The following EPHA5 variants were observed in gnomAD, a reference collection of about 807,000 sequenced individuals.
The protein encoded by EPHA5 is ephrin type-A receptor 5.
Under a neutral mutation model 105.0 loss-of-function variants are expected in EPHA5, and 60 were observed. That is an observed-to-expected ratio of 0.57 (90% CI 0.46 to 0.71). The LOEUF is 0.71. Among genes scored for constraint, EPHA5 ranks in the 30% least tolerant of loss-of-function variants. The pLI, the probability that EPHA5 is intolerant of heterozygous loss-of-function variation, is 0.00. For missense variants in EPHA5, 1,218 were observed against 1,274.7 expected, an observed-to-expected ratio of 0.96 and a Z score of 0.68; for synonymous variants, 513 against 449.1, an observed-to-expected ratio of 1.14 and a Z score of -1.80.
chr4:65,607,836 A>C (rs2149451447), intron 2 of EPHA5, among the ~76,000 whole-genome samples: 1 of 152,336 alleles, frequency 6.6e-6, no homozygotes. Flanking sequence ...TACTGGGTAT[A>C]TATCCAAAGG....
At chr4:65,355,437 A>T (rs1723206908) in intron 11 of EPHA5, among the ~76,000 whole-genome samples, 1 of 151,656 alleles carries the variant, frequency 6.6e-6, no homozygotes, top group Non-Finnish European at 1.5e-5. Flanking sequence ...CTTTATTTTA[A>T]CTATATTGTC....
chr4:65,609,641 G>GT (rs71205395), intron 2 of EPHA5, among the ~76,000 whole-genome samples: 9,284 of 144,144 alleles, frequency 0.064, 381 homozygotes, highest in Admixed American at 0.11. Context: ...AAAAAAATCA[G>GT]TTTTTTTTTT....
intron 3 of EPHA5, among the ~76,000 whole-genome samples, chr4:65,558,425 C>T (rs994779743): frequency 6.6e-6 from 1 of 151,958 alleles, no homozygotes; most frequent in Middle Eastern, 3.2e-3. Context: ...TCATGTCTTT[C>T]AGTTGGTCAT....
intron 2 of EPHA5, among the ~76,000 whole-genome samples, chr4:65,605,736 TG>T (rs1038068975): frequency 4.2e-4 from 64 of 152,208 alleles, no homozygotes; most frequent in African/African-American, 1.5e-3. Flanking sequence ...TGGCACTGTA[TG>T]GGTCTTGTAT....
chr4:65,483,978 C>T (rs34168406), intron 5 of EPHA5, among the ~76,000 whole-genome samples: 31,395 of 152,120 alleles, frequency 0.21, 4,090 homozygotes, highest in Middle Eastern at 0.35. Flanking sequence ...GCAGATTTAA[C>T]TTACCTATTC....
At chr4:65,580,149 A>AT (rs1170199659) in intron 3 of EPHA5, among the ~76,000 whole-genome samples, 1 of 151,664 alleles carries the variant, frequency 6.6e-6, no homozygotes, top group Non-Finnish European at 1.5e-5. Flanking sequence ...AAAGAAAAAA[A>AT]ATTTGCTTTC....
At chr4:65,376,921 G>A in intron 8 of EPHA5, 1 of 1,311,404 alleles carries the variant, frequency 7.6e-7, no homozygotes, top group Non-Finnish European at 1.0e-6. Flanking sequence ...TACACAAATG[G>A]AGAAAGAAAA....
intron 8 of EPHA5, among the ~76,000 whole-genome samples, chr4:65,379,373 C>A (rs1577963880): frequency 6.6e-6 from 1 of 151,510 alleles, no homozygotes; most frequent in Admixed American, 6.6e-5. Context: ...TTTATAATTT[C>A]AATAAAATTT....
At position 65,659,658 on chromosome 4, in the gene EPHA5, C is replaced by T. The variant is rs572580424; in HGVS notation, c.181+9904G>A. On this transcript the variant is annotated intron_variant, in intron 1 of 16. Transcript: ENST00000613740. The stretch of plus-strand genomic sequence containing the variant: ...ACCACTTAGAACAATGTCCCCCACC[C>T]AGTAAGTCAATAATAAATGTTAGTT... 3.3e-5 allele frequency among the ~76,000 whole-genome samples: 5 copies of T among 152,140 alleles called. No homozygotes were observed. The South Asian group carries it at 1.0e-3, about 32-fold the overall frequency.
At chr4:65,480,712 C>A (rs1289074930) in intron 5 of EPHA5, among the ~76,000 whole-genome samples, 1 of 152,134 alleles carries the variant, frequency 6.6e-6, no homozygotes, top group Non-Finnish European at 1.5e-5. Flanking sequence ...CAGGCCAGAT[C>A]TGTGGTAGCG....
At chr4:65,470,841 A>G (rs1729216562) in intron 5 of EPHA5, among the ~76,000 whole-genome samples, 2 of 152,210 alleles carry the variant, frequency 1.3e-5, no homozygotes, top group South Asian at 2.1e-4. Flanking sequence ...GTGTACTTCT[A>G]TATTTGAGCC....
At position 65,443,926 on chromosome 4, in the gene EPHA5, T is replaced by TGTGTGC. The variant is rs1478840086; in HGVS notation, c.1403-23362_1403-23361insGCACAC. On this transcript the variant is annotated intron_variant, in intron 5 of 16. Transcript: ENST00000613740. ...GTGCCTGTGTGTGTGTGTGTGTGTGTGTGCGTGCACGTGTGCACGCGCACA... is the reference window on the plus strand; with the variant it reads ...GTGCCTGTGTGTGTGTGTGTGTGTGTGTGTGCGTGCGTGCACGTGTGCACGCGCACA... 5.7e-4 allele frequency among the ~76,000 whole-genome samples: 86 copies of TGTGTGC among 152,042 alleles called. 1 individual carries two copies. In the East Asian group the frequency reaches 0.012, roughly 21 times the overall value.
chr4:65,627,846 C>T (rs1746289719), intron 2 of EPHA5, among the ~76,000 whole-genome samples: 2 of 152,058 alleles, frequency 1.3e-5, no homozygotes, highest in African/African-American at 4.8e-5. Flanking sequence ...GTGTTAATAT[C>T]TTTGTGCATG....
At position 65,599,425 on chromosome 4, in the gene EPHA5, C is replaced by A. The variant is rs191877224; in HGVS notation, c.910+2216G>T. On this transcript the variant is annotated intron_variant, in intron 3 of 16. Transcript: ENST00000613740. ...ACAGATAGAAATCTCTCAACAATAT[C>A]TATGATGCTTTAGTTCTCCAAAGCA... Among the ~76,000 whole-genome samples, 29 of 151,710 alleles carry A rather than the reference C, an allele frequency of 1.9e-4. No homozygotes were observed. The East Asian group carries it at 5.4e-3, about 28-fold the overall frequency.
chr4:65,353,615 T>C (rs889742731), intron 11 of EPHA5, among the ~76,000 whole-genome samples: 55 of 151,800 alleles, frequency 3.6e-4, no homozygotes, highest in African/African-American at 1.2e-3. Flanking sequence ...TTTATTTTAA[T>C]AGAAATAATG....
At chr4:65,537,898 T>A (rs7692403) in intron 3 of EPHA5, among the ~76,000 whole-genome samples, 40,224 of 151,658 alleles carry the variant, frequency 0.27, 5,683 homozygotes, top group Middle Eastern at 0.38. Flanking sequence ...ATTATTTTGT[T>A]ATTTAAAAAC....
rs531007299 is a variant in EPHA5, at chr4:65,545,006, A to C, written c.911-49463T>G. ...TTTCAAACCTGTGTTCCTTCTCTAA[A>C]CTATGTTTCAACAAACAAGGACAGA... On this transcript the variant is annotated intron_variant, in intron 3 of 16. Coordinates refer to ENST00000613740, the MANE Select transcript of EPHA5 (RefSeq NM_001281766.3). Among the ~76,000 whole-genome samples the C allele has an allele frequency of 5.7e-4, 86 of 151,768 alleles. No individual in the cohort carries two copies. The South Asian group carries it at 0.018, about 32-fold the overall frequency.
intron 14 of EPHA5, among the ~76,000 whole-genome samples, chr4:65,344,930 A>G (rs1722072834): frequency 6.6e-6 from 1 of 152,196 alleles, no homozygotes; most frequent in South Asian, 2.1e-4. Flanking sequence ...TCAATTGGAG[A>G]CAGTGTGATG....
At chr4:65,482,640 G>A (rs1730488734) in intron 5 of EPHA5, among the ~76,000 whole-genome samples, 2 of 151,986 alleles carry the variant, frequency 1.3e-5, no homozygotes. Flanking sequence ...CAAGGTCTGG[G>A]AAGAAAAAAA....
Sources: allele counts gnomAD v4.1 joint callset (sites outside exome capture counted in the v4.1 genomes callset), GRCh38; gene constraint gnomAD v4.1.1; transcripts MANE v1.5; gene names NCBI Gene and HGNC (gene_info 2026-07-23, HGNC 2026-07-21).